The following WNT9B variants were observed in gnomAD, a reference collection of about 807,000 sequenced individuals.
The protein encoded by WNT9B is protein Wnt-9b.
Under a neutral mutation model 30.2 loss-of-function variants are expected in WNT9B, and 12 were observed. The observed-to-expected ratio is 0.40, with a 90% confidence interval of 0.26 to 0.64. WNT9B has a LOEUF of 0.64. Among genes scored for constraint, WNT9B ranks in the 30% least tolerant of loss-of-function variants. The pLI, the probability that WNT9B is intolerant of heterozygous loss-of-function variation, is 0.42. For synonymous variants in WNT9B, 218 were observed against 216.9 expected (o/e 1.01, Z -0.05); for missense variants, 442 against 485.2 (o/e 0.91, Z 0.84).
intron 2 of WNT9B, chr17:46,874,848 G>T: frequency 1.6e-6 from 1 of 621,992 alleles, no homozygotes; most frequent in South Asian, 1.8e-5. Context: ...AAAGTGCTGG[G>T]ATTAGGGGCA....
At position 46,880,464 on chromosome 17, in the gene WNT9B, G is replaced by A. The variant is rs1229422455; in HGVS notation, c.*3746G>A. Among the ~76,000 whole-genome samples, 3 of 152,230 alleles carry A rather than the reference G, an allele frequency of 2.0e-5. No homozygotes were observed. The highest frequency in any genetic ancestry group is 7.2e-5 in the African/African-American group (3 of 41,452). ...CCAGGCAGCATCCTGGGTGCTTGGTGCAGCAAGGAACAGGACCAAGTCTCT... is the reference window on the plus strand; with the variant it reads ...CCAGGCAGCATCCTGGGTGCTTGGTACAGCAAGGAACAGGACCAAGTCTCT... On this transcript the variant is annotated 3_prime_UTR_variant, in exon 4 of 4. Coordinates refer to ENST00000290015, the MANE Select transcript of WNT9B (RefSeq NM_003396.3).
chr17:46,837,525 C>A (rs2084648088), intron 1 of WNT9B, among the ~76,000 whole-genome samples: 1 of 152,222 alleles, frequency 6.6e-6, no homozygotes, highest in African/African-American at 2.4e-5. Context: ...GCTGCCGCTG[C>A]CACCCTCGTT....
upstream of WNT9B, among the ~76,000 whole-genome samples, chr17:46,847,306 C>T (rs567840975): frequency 7.9e-5 from 12 of 152,328 alleles, no homozygotes; most frequent in South Asian, 2.1e-3. Context: ...CTTCCATCCC[C>T]GAGAGCCAGT....
chr17:46,833,565 C>G (rs1376085604), intron 1 of WNT9B: 2 of 394,256 alleles, frequency 5.1e-6, no homozygotes, highest in African/African-American at 4.1e-5. Context: ...AAACTCAAAC[C>G]CCAGTCTCCT....
chr17:46,855,104 G>A (rs898463462), intron 1 of WNT9B, among the ~76,000 whole-genome samples: 2 of 152,174 alleles, frequency 1.3e-5, no homozygotes, highest in African/African-American at 2.4e-5. Context: ...ACAGTGAATC[G>A]GTGGGGGAGG....
At chr17:46,868,707 T>C (rs1404452515) in intron 1 of WNT9B, among the ~76,000 whole-genome samples, 1 of 152,212 alleles carries the variant, frequency 6.6e-6, no homozygotes, top group Non-Finnish European at 1.5e-5. Context: ...CTTACCCCCT[T>C]GGCACTCAGC....
chr17:46,850,211 T>C (rs1439237157), upstream of WNT9B, among the ~76,000 whole-genome samples: 1 of 152,234 alleles, frequency 6.6e-6, no homozygotes, highest in Non-Finnish European at 1.5e-5. Context: ...CCATATTTCA[T>C]ATGGGGCTCA....
At chr17:46,850,140 G>A (rs928445426), upstream of WNT9B, among the ~76,000 whole-genome samples, 5 of 152,164 alleles carry the variant, frequency 3.3e-5, no homozygotes, top group African/African-American at 9.7e-5. Flanking sequence ...ATGAGCCAAC[G>A]TGCCTGGCCA....
intron 1 of WNT9B, among the ~76,000 whole-genome samples, chr17:46,852,683 T>G (rs1598838723): frequency 1.3e-5 from 2 of 152,088 alleles, no homozygotes; most frequent in East Asian, 1.9e-4. Context: ...AACTCCAATA[T>G]GTACAGCCTG....
At chr17:46,834,965 C>T (rs2084608305) in intron 1 of WNT9B, among the ~76,000 whole-genome samples, 1 of 152,080 alleles carries the variant, frequency 6.6e-6, no homozygotes, top group Non-Finnish European at 1.5e-5. Context: ...GATTGGCCCT[C>T]AGTCTCTCTT....
In WNT9B at chr17:46,875,212, C is replaced by T. The variant is rs967098051; in HGVS notation, c.446C>T (p.Pro149Leu). 1.7e-5 allele frequency: 27 copies of T among 1,614,168 alleles called. No individual in the cohort carries two copies. Among genetic ancestry groups the T allele is most frequent in the Middle Eastern group, 1.6e-4 (1 of 6,062 alleles). ...RMERCTCDDS[P>L]GLESRQAWQW... Reference sequence around the variant, plus strand: ...GAGCGCTGCACCTGTGATGACTCTCCGGGGCTGGAGAGCCGGCAGGCCTGG... The same window carrying T: ...GAGCGCTGCACCTGTGATGACTCTCTGGGGCTGGAGAGCCGGCAGGCCTGG... The change falls in exon 3 of 4, where the codon CCG becomes CTG. Residue 149 changes from proline (P) to leucine (L), a missense_variant. Physicochemically the swap from Pro to Leu is moderately conservative, Grantham distance 98. Transcript: ENST00000290015.
At chr17:46,837,379 T>C (rs59428921) in intron 1 of WNT9B, among the ~76,000 whole-genome samples, 25,758 of 152,112 alleles carry the variant, frequency 0.17, 2,527 homozygotes, top group East Asian at 0.39. Context: ...TTAGGCAGAA[T>C]TTGGAGTATA....
At chr17:46,846,822 C>T (rs117053124), upstream of WNT9B, among the ~76,000 whole-genome samples, 4 of 152,148 alleles carry the variant, frequency 2.6e-5, no homozygotes, top group African/African-American at 4.8e-5. Context: ...GAGAAGGCCT[C>T]GAACTGGAAG....
intron 1 of WNT9B, among the ~76,000 whole-genome samples, chr17:46,842,830 C>T (rs1426688639): frequency 6.6e-6 from 1 of 152,202 alleles, no homozygotes; most frequent in African/African-American, 2.4e-5. Context: ...AGACAGTGCA[C>T]CTCTTCTGAA....
At chr17:46,884,077 C>G (rs1437992539), downstream of WNT9B, among the ~76,000 whole-genome samples, 1 of 152,120 alleles carries the variant, frequency 6.6e-6, no homozygotes, top group Non-Finnish European at 1.5e-5. Flanking sequence ...GACCCAGCGT[C>G]CGAATTCCTG....
chr17:46,857,543 T>C (rs2084959399), intron 1 of WNT9B, among the ~76,000 whole-genome samples: 1 of 152,030 alleles, frequency 6.6e-6, no homozygotes, highest in Non-Finnish European at 1.5e-5. Flanking sequence ...ATAAAGCTGG[T>C]ATAAACATCC....
upstream of WNT9B, among the ~76,000 whole-genome samples, chr17:46,847,973 T>A (rs1598833375): frequency 8.9e-6 from 1 of 111,884 alleles, no homozygotes; most frequent in East Asian, 3.5e-4. Flanking sequence ...CCAAAGTGTG[T>A]GTGTGTGTGT....
At position 46,836,095 on chromosome 17, in the gene WNT9B, C is replaced by CGTGTGTGTGTGTGTGTGTGTGT. The variant is rs59862934; in HGVS notation, c.95+2674_95+2695dup. Among the ~76,000 whole-genome samples, 500 of 126,470 alleles carry CGTGTGTGTGTGTGTGTGTGTGT rather than the reference C, an allele frequency of 4.0e-3. 16 individuals carry two copies. The highest frequency in any genetic ancestry group is 0.017 in the East Asian group (62 of 3,710). 83.0% of individuals were successfully genotyped at this position (126,470 alleles called of 152,430 possible). ...GGAACAGCAGCTGGAGAGACGCTGA[C>CGTGTGTGTGTGTGTGTGTGTGT]GTGTGTGTGTGTGTGTGTGTGTGTG... On this transcript the variant is annotated intron_variant, in intron 1 of 2. Transcript: ENST00000575372.
chr17:46,846,505 C>T (rs535087663), intron 1 of WNT9B, among the ~76,000 whole-genome samples: 15 of 152,272 alleles, frequency 9.9e-5, no homozygotes, highest in African/African-American at 3.6e-4. Context: ...GGCACTGGCA[C>T]AAAGTACAGT....
Sources: allele counts gnomAD v4.1 joint callset (sites outside exome capture counted in the v4.1 genomes callset), GRCh38; gene constraint gnomAD v4.1.1; transcripts MANE v1.5; gene names NCBI Gene and HGNC (gene_info 2026-07-23, HGNC 2026-07-21).